Variants in SGMS1 observed in about 807,000 individuals in gnomAD.
SGMS1 encodes sphingomyelin synthase 1.
SGMS1 carries 13 observed loss-of-function variants against 46.2 expected under a neutral mutation model. That is an observed-to-expected ratio of 0.28 (90% confidence interval 0.18 to 0.45). SGMS1 has a LOEUF of 0.45. Among genes scored for constraint, SGMS1 ranks in the 20% least tolerant of loss-of-function variants. SGMS1 has a pLI of 1.00. For missense variants in SGMS1, 324 were observed against 519.9 expected, an observed-to-expected ratio of 0.62 and a Z score of 3.66; for synonymous variants, 203 against 187.8, an observed-to-expected ratio of 1.08 and a Z score of -0.66.
At chr10:50,340,752 C>T (rs977811821) in intron 7 of SGMS1, 2 of 152,178 alleles carry the variant, frequency 1.3e-5, no homozygotes, top group African/African-American at 4.8e-5. Context: ...TAAGATTTTC[C>T]AGCACCTCAA....
At chr10:50,381,990 G>A (rs1019496580) in intron 6 of SGMS1, among the ~76,000 whole-genome samples, 3 of 152,208 alleles carry the variant, frequency 2.0e-5, no homozygotes, top group Non-Finnish European at 4.4e-5. Context: ...AAAATGCAGG[G>A]TGGAAGGTGA....
chr10:50,417,264 T>A (rs905175443), intron 6 of SGMS1, among the ~76,000 whole-genome samples: 3 of 152,178 alleles, frequency 2.0e-5, no homozygotes, highest in African/African-American at 7.2e-5. Context: ...GCGGGTTTTT[T>A]AAGTGGCTCA....
intron 6 of SGMS1, among the ~76,000 whole-genome samples, chr10:50,422,077 C>G (rs1308808468): frequency 6.6e-6 from 1 of 152,172 alleles, no homozygotes; most frequent in Non-Finnish European, 1.5e-5. Flanking sequence ...AATCTCTCCT[C>G]TCCTCCAAAT....
At chr10:50,577,407 A>C (rs1338705308) in intron 2 of SGMS1, among the ~76,000 whole-genome samples, 1 of 152,198 alleles carries the variant, frequency 6.6e-6, no homozygotes, top group African/African-American at 2.4e-5. Flanking sequence ...AGACATAAAA[A>C]AAGTATAGAG....
chr10:50,499,244 C>G (rs1233298738), intron 3 of SGMS1, among the ~76,000 whole-genome samples: 1 of 152,174 alleles, frequency 6.6e-6, no homozygotes, highest in African/African-American at 2.4e-5. Context: ...AAGCAAAGTA[C>G]CTTCCCTAAG....
intron 6 of SGMS1, among the ~76,000 whole-genome samples, chr10:50,405,188 T>C (rs557793829): frequency 3.9e-5 from 6 of 152,148 alleles, no homozygotes; most frequent in Non-Finnish European, 7.3e-5. Context: ...ATTTTAACCA[T>C]ATCCTTTCTT....
intron 2 of SGMS1, among the ~76,000 whole-genome samples, chr10:50,565,947 A>G (rs914658772): frequency 2.6e-5 from 4 of 152,220 alleles, no homozygotes; most frequent in Non-Finnish European, 5.9e-5. Context: ...CAGTGTCTGA[A>G]CAGTGTCATC....
At chr10:50,441,871 A>G (rs1849550583) in intron 5 of SGMS1, among the ~76,000 whole-genome samples, 1 of 142,284 alleles carries the variant, frequency 7.0e-6, no homozygotes, top group African/African-American at 3.1e-5. Flanking sequence ...TATCCATTGC[A>G]TGGATACTTC....
chr10:50,443,744 T>G (rs1000879767), intron 5 of SGMS1, among the ~76,000 whole-genome samples: 3 of 151,942 alleles, frequency 2.0e-5, no homozygotes, highest in African/African-American at 7.3e-5. Context: ...CATAAAAGAC[T>G]TTTTTTCTTA....
chr10:50,486,389 G>A (rs534159882), intron 3 of SGMS1, among the ~76,000 whole-genome samples: 5 of 152,282 alleles, frequency 3.3e-5, no homozygotes, highest in East Asian at 1.9e-4. Flanking sequence ...CCTACGGAAC[G>A]GGAGAGAATT....
chr10:50,615,624 T>C (rs976177869), intron 1 of SGMS1, among the ~76,000 whole-genome samples: 1 of 152,210 alleles, frequency 6.6e-6, no homozygotes, highest in Non-Finnish European at 1.5e-5. Flanking sequence ...CTTCTAACTA[T>C]TTATCACCAA....
intron 5 of SGMS1, among the ~76,000 whole-genome samples, chr10:50,441,148 A>T (rs914825164): frequency 3.3e-5 from 5 of 152,178 alleles, no homozygotes; most frequent in Non-Finnish European, 7.3e-5. Flanking sequence ...CATTTGTAGA[A>T]CTTTCCATTA....
intron 3 of SGMS1, among the ~76,000 whole-genome samples, chr10:50,479,685 T>C (rs1304325753): frequency 6.6e-6 from 1 of 152,140 alleles, no homozygotes; most frequent in Non-Finnish European, 1.5e-5. Context: ...AATTTGCCCT[T>C]GGTCAAAAGC....
chr10:50,530,469 G>A (rs549674493), intron 2 of SGMS1, among the ~76,000 whole-genome samples: 2 of 152,158 alleles, frequency 1.3e-5, no homozygotes, highest in East Asian at 1.9e-4. Flanking sequence ...GCTTTCCACC[G>A]AAGTACTGAG....
chr10:50,441,592 G>A (rs1268955144), intron 5 of SGMS1, among the ~76,000 whole-genome samples: 1 of 152,242 alleles, frequency 6.6e-6, no homozygotes, highest in African/African-American at 2.4e-5. Flanking sequence ...GTCTGCAGAG[G>A]AGATCATGAA....
intron 6 of SGMS1, among the ~76,000 whole-genome samples, chr10:50,380,502 G>C (rs1038225394): frequency 2.0e-5 from 3 of 152,090 alleles, no homozygotes; most frequent in African/African-American, 7.2e-5. Flanking sequence ...TAGAAACCCA[G>C]ATTAGAAAGA....
At chr10:50,575,215 G>A (rs1005504052) in intron 2 of SGMS1, among the ~76,000 whole-genome samples, 3 of 151,900 alleles carry the variant, frequency 2.0e-5, no homozygotes, top group Admixed American at 1.3e-4. Flanking sequence ...GTACAATATA[G>A]TGCCTATAGT....
intron 3 of SGMS1, among the ~76,000 whole-genome samples, chr10:50,470,079 G>T (rs72801779): frequency 6.6e-6 from 1 of 152,160 alleles, no homozygotes; most frequent in African/African-American, 2.4e-5. Flanking sequence ...ATGGACACAC[G>T]ATGTGGAAAT....
chr10:50,353,537 G>T (rs1178044657), intron 6 of SGMS1, among the ~76,000 whole-genome samples: 2 of 152,292 alleles, frequency 1.3e-5, no homozygotes, highest in African/African-American at 4.8e-5. Flanking sequence ...ACAAGACAGG[G>T]ATGTCCTCTC....
Sources: allele counts gnomAD v4.1 joint callset (sites outside exome capture counted in the v4.1 genomes callset), GRCh38; gene constraint gnomAD v4.1.1; transcripts MANE v1.5; gene names NCBI Gene and HGNC (gene_info 2026-07-23, HGNC 2026-07-21).